ERCC6: variants seen among roughly 807,000 people sequenced by gnomAD.
ERCC6 encodes ERCC excision repair 6, chromatin remodeling factor.
In ERCC6, 116 loss-of-function variants were observed where a neutral mutation model predicts 158.7. The observed-to-expected ratio is 0.73, with a 90% confidence interval of 0.63 to 0.85. ERCC6 has a LOEUF of 0.85. ERCC6 is among the 40% of genes least tolerant of loss of function. The pLI, the probability that ERCC6 is intolerant of heterozygous loss-of-function variation, is 0.00. For missense variants in ERCC6, 1,698 were observed against 1,799.4 expected, an observed-to-expected ratio of 0.94 and a Z score of 1.02; for synonymous variants, 678 against 659.3, an observed-to-expected ratio of 1.03 and a Z score of -0.43.
the ERCC6 span, among the ~76,000 whole-genome samples, chr10:49,440,301 A>C: frequency 6.6e-6 from 1 of 152,226 alleles, no homozygotes; most frequent in Non-Finnish European, 1.5e-5. Context: ...GCAAAAGAAA[A>C]TGAGAAAGAA....
intron 4 of ERCC6, among the ~76,000 whole-genome samples, chr10:49,526,115 T>TATATATA (rs1564443868): frequency 5.4e-4 from 57 of 105,254 alleles, no homozygotes; most frequent in South Asian, 1.4e-3. Context: ...ATTTATATAT[T>TATATATA]TTTATATATA....
chr10:49,484,280 AAAAAAAAAAAAG>A (rs1851038141), intron 8 of ERCC6, among the ~76,000 whole-genome samples: 5 of 115,430 alleles, frequency 4.3e-5, no homozygotes, highest in African/African-American at 1.4e-4. Flanking sequence ...CTCTGCCTCA[AAAAAAAAAAAAG>A]AAAAAAAAAA....
chr10:49,533,098 T>G (rs1837512219), intron 1 of ERCC6, 120 bp from the exon 2 acceptor site: 6 of 1,218,160 alleles, frequency 4.9e-6, no homozygotes, highest in Non-Finnish European at 6.7e-6. Context: ...TCCAACTACA[T>G]AAATTCAAGT....
chr10:49,469,488 A>AT (rs201067325), intron 18 of ERCC6, among the ~76,000 whole-genome samples: 94 of 151,772 alleles, frequency 6.2e-4, no homozygotes, highest in African/African-American at 1.9e-3. Context: ...ATTCCAACTG[A>AT]TTTTTTTTTG....
chr10:49,496,836 C>A (rs1172798700), intron 7 of ERCC6, among the ~76,000 whole-genome samples: 2 of 152,114 alleles, frequency 1.3e-5, no homozygotes, highest in African/African-American at 2.4e-5. Flanking sequence ...AAACAAAATA[C>A]AATTTTTACA....
rs1837397673 is a variant in ERCC6, at chr10:49,528,646, C to T, written c.544-121G>A. 113 of 1,274,460 alleles carry T rather than the reference C, an allele frequency of 8.9e-5. No homozygotes were observed. In the South Asian group the frequency reaches 1.5e-3, roughly 17 times the overall value. The allele number at this position is 1,274,460 out of a possible 1,614,324, so 78.9% of individuals were successfully genotyped here. Reference sequence around the variant, plus strand: ...AGTAAAATAAAAATAATATACATTACATAAAAATTCCATACATTACTATTA... The same window carrying T: ...AGTAAAATAAAAATAATATACATTATATAAAAATTCCATACATTACTATTA... On this transcript the variant is annotated intron_variant, in intron 3 of 20. Transcript: ENST00000355832.
chr10:49,460,295 T>A (rs1850554449), intron 20 of ERCC6, 78 bp downstream of exon 20: 1 of 1,018,588 alleles, frequency 9.8e-7, no homozygotes, highest in Non-Finnish European at 1.6e-6. Context: ...TTTCTTCACA[T>A]CCAGAATCAG....
chr10:49,520,058 G>A (rs1837110406), intron 5 of ERCC6, among the ~76,000 whole-genome samples: 1 of 152,210 alleles, frequency 6.6e-6, no homozygotes, highest in South Asian at 2.1e-4. Context: ...ACATACAACT[G>A]TGCAGGGCAC....
chr10:49,515,784 T>C, intron 5 of ERCC6: 2 of 1,614,204 alleles, frequency 1.2e-6, no homozygotes, highest in Non-Finnish European at 1.7e-6. Context: ...AACTTGTATC[T>C]TCTTTTTCAG....
rs1564722904 is a variant in ERCC6, at chr10:49,454,902, T to G, written c.*3913A>C. On this transcript the variant is annotated 3_prime_UTR_variant, in exon 21 of 21. Coordinates refer to ENST00000355832, the MANE Select transcript of ERCC6 (RefSeq NM_000124.4). ...TTTCCGTACATTATATGTAAATTGG[T>G]AAAGGTGGCCTTATACATCAGGAGG... 6.6e-6 allele frequency among the ~76,000 whole-genome samples: 1 copy of G among 152,188 alleles called. No homozygotes were observed. The highest frequency in any genetic ancestry group is 6.5e-5 in the Admixed American group (1 of 15,274).
intron 5 of ERCC6, among the ~76,000 whole-genome samples, chr10:49,519,845 A>T (rs1249069258): frequency 6.6e-6 from 1 of 152,216 alleles, no homozygotes; most frequent in Non-Finnish European, 1.5e-5. Context: ...CCTCAGAGTC[A>T]GCGGGAGCTC....
the ERCC6 span, among the ~76,000 whole-genome samples, chr10:49,440,237 G>C: frequency 6.6e-6 from 1 of 152,212 alleles, no homozygotes; most frequent in Non-Finnish European, 1.5e-5. Context: ...CCACATGGCT[G>C]GGCAGGCCTC....
the ERCC6 span, among the ~76,000 whole-genome samples, chr10:49,448,018 GT>G: frequency 2.0e-5 from 3 of 152,072 alleles, no homozygotes; most frequent in Admixed American, 6.5e-5. Context: ...ACAAGTATTT[GT>G]TTGAGCACCA....
At chr10:49,476,504 G>A (rs1590411395) in intron 11 of ERCC6, among the ~76,000 whole-genome samples, 194 bp from the exon 12 acceptor site, 1 of 151,978 alleles carries the variant, frequency 6.6e-6, no homozygotes, top group Admixed American at 6.5e-5. Flanking sequence ...CTCCATCTCT[G>A]TCACTTGTCT....
chr10:49,513,704 C>T (rs925115863), intron 5 of ERCC6, among the ~76,000 whole-genome samples: 5 of 152,138 alleles, frequency 3.3e-5, no homozygotes, highest in African/African-American at 1.2e-4. Flanking sequence ...AACTAACTAT[C>T]GTGAGAACAG....
chr10:49,435,310 A>C, the ERCC6 span, among the ~76,000 whole-genome samples: 2 of 152,254 alleles, frequency 1.3e-5, no homozygotes, highest in Non-Finnish European at 2.9e-5. Context: ...TTAAGCAGGG[A>C]AAATAAAGAT....
At chr10:49,451,914 A>C (rs567481156), downstream of ERCC6, among the ~76,000 whole-genome samples, 19 of 152,262 alleles carry the variant, frequency 1.2e-4, no homozygotes, top group Non-Finnish European at 2.1e-4. Context: ...TCTGTTCACT[A>C]GTTATAGGTC....
chr10:49,536,674 G>C (rs933249138), intron 1 of ERCC6, among the ~76,000 whole-genome samples: 4 of 152,158 alleles, frequency 2.6e-5, no homozygotes, highest in African/African-American at 9.7e-5. Flanking sequence ...TTGCTGTGGA[G>C]GACCTACCTG....
At chr10:49,468,655 TACAC>T (rs910627275) in intron 18 of ERCC6, among the ~76,000 whole-genome samples, 1 of 152,136 alleles carries the variant, frequency 6.6e-6, no homozygotes, top group African/African-American at 2.4e-5. Flanking sequence ...AACAAACACA[TACAC>T]ACACATACAT....
Sources: allele counts gnomAD v4.1 joint callset (sites outside exome capture counted in the v4.1 genomes callset), GRCh38; gene constraint gnomAD v4.1.1; transcripts MANE v1.5; gene names NCBI Gene and HGNC (gene_info 2026-07-23, HGNC 2026-07-21).